TSNARE1: variants seen among roughly 807,000 people sequenced by gnomAD.
TSNARE1 encodes t-SNARE domain containing 1.
TSNARE1 carries 49 observed loss-of-function variants against 62.0 expected under a neutral mutation model. The ratio of observed to expected loss-of-function variants is 0.79; its 90% confidence interval spans 0.63 to 1.00. The LOEUF (loss-of-function observed/expected upper bound fraction) is 1.00. Ranked by LOEUF, TSNARE1 falls within the 50% of genes least tolerant of loss-of-function variation. The pLI is 0.00. For synonymous variants in TSNARE1, 328 were observed against 294.4 expected, an observed-to-expected ratio of 1.11 and a Z score of -1.17; for missense variants, 755 against 700.1, an observed-to-expected ratio of 1.08 and a Z score of -0.88.
At chr8:142,369,399 C>T (rs1195730070) in intron 1 of TSNARE1, among the ~76,000 whole-genome samples, 3 of 152,350 alleles carry the variant, frequency 2.0e-5, no homozygotes, top group African/African-American at 7.2e-5. Context: ...TTATTTATCT[C>T]AGTCTGCAGT....
rs531401582 is a variant in TSNARE1, at chr8:142,383,998, G to A, written c.-40+19106C>T. Reference sequence around the variant, plus strand: ...CAGGAGGGAGTGAAGCAGCACTGGCGGTAGAAGGGGTGCAGTGCAGCACCT... The same window carrying A: ...CAGGAGGGAGTGAAGCAGCACTGGCAGTAGAAGGGGTGCAGTGCAGCACCT... On this transcript the variant is annotated intron_variant, in intron 1 of 13. Coordinates refer to ENST00000524325, the MANE Select transcript of TSNARE1 (RefSeq NM_145003.5). 5.9e-5 allele frequency among the ~76,000 whole-genome samples: 9 copies of A among 152,268 alleles called. No homozygotes were observed. In the South Asian group the frequency reaches 6.2e-4, roughly 11 times the overall value.
In TSNARE1 at chr8:142,394,244, G is replaced by A. The variant is rs555967654; in HGVS notation, c.-40+8860C>T. ...TTTGGGGGCAGATACGCAGAAAGAC[G>A]GGAGGTGCTCTGCCCATCGGACCAC... is the stretch of plus-strand genomic sequence containing the variant. On this transcript the variant is annotated intron_variant, in intron 1 of 13. Transcript: ENST00000524325. 1.3e-3 allele frequency among the ~76,000 whole-genome samples: 198 copies of A among 152,332 alleles called. 1 individual carries two copies. Among genetic ancestry groups the A allele is most frequent in the Admixed American group, 4.1e-3 (62 of 15,302 alleles).
intron 9 of TSNARE1, among the ~76,000 whole-genome samples, chr8:142,308,514 G>A (rs544248176): frequency 1.1e-4 from 16 of 152,246 alleles, no homozygotes; most frequent in South Asian, 1.0e-3. Flanking sequence ...CAGCCGCCAC[G>A]TACGTGTGGT....
chr8:142,270,508 G>T (rs1042777082), intron 12 of TSNARE1: 1 of 908,472 alleles, frequency 1.1e-6, no homozygotes, highest in Non-Finnish European at 1.3e-6. Flanking sequence ...ATATATTTAT[G>T]TATTTATAAC....
At chr8:142,233,359 A>C (rs900797915) in intron 12 of TSNARE1, among the ~76,000 whole-genome samples, 2 of 152,026 alleles carry the variant, frequency 1.3e-5, no homozygotes, top group African/African-American at 4.8e-5. Context: ...CGAGAAGCCC[A>C]CCTAGAGCCC....
rs755565732 is a variant in TSNARE1 at position 142,274,842 on chromosome 8, T to C, written c.1385A>G (p.Glu462Gly). 18 of 1,577,094 alleles carry C rather than the reference T, an allele frequency of 1.1e-5. No homozygotes were observed. In the African/African-American group the frequency reaches 2.2e-4, roughly 19 times the overall value. The change falls in exon 12 of 14, where the codon GAG (glutamate) becomes GGG (glycine). Residue 462 changes from glutamate (E) to glycine (G), a missense_variant. Coordinates refer to ENST00000524325, the MANE Select transcript of TSNARE1 (RefSeq NM_145003.5). ...EAVDSIEASL[E>G]AASSHAEAAR... ...TGCCTCCGCATGCGAGGACGCAGCC[T>C]CAAGGCTGGCTTCAATACTATCTGC...
chr8:142,371,865 G>A (rs1462186362), intron 1 of TSNARE1, among the ~76,000 whole-genome samples: 6 of 152,196 alleles, frequency 3.9e-5, no homozygotes, highest in Non-Finnish European at 8.8e-5. Flanking sequence ...AGCTTTGCTG[G>A]CACACAGCCA....
intron 12 of TSNARE1, among the ~76,000 whole-genome samples, chr8:142,263,258 T>C (rs1818978482): frequency 6.6e-6 from 1 of 152,264 alleles, no homozygotes; most frequent in Non-Finnish European, 1.5e-5. Flanking sequence ...TCTCAGGACG[T>C]CTGGAAATGG....
chr8:142,362,599 G>T (rs1835248636), intron 1 of TSNARE1, among the ~76,000 whole-genome samples: 1 of 152,108 alleles, frequency 6.6e-6, no homozygotes, highest in South Asian at 2.1e-4. Context: ...AGATCAAGTG[G>T]GGGCCAGCGC....
chr8:142,307,418 G>A (rs2131459342), intron 9 of TSNARE1, among the ~76,000 whole-genome samples: 1 of 152,316 alleles, frequency 6.6e-6, no homozygotes, highest in Non-Finnish European at 1.5e-5. Flanking sequence ...ACGGGGGAGT[G>A]GCCGAGGACT....
chr8:142,355,879 A>G (rs1834690314), intron 1 of TSNARE1, among the ~76,000 whole-genome samples: 1 of 152,252 alleles, frequency 6.6e-6, no homozygotes, highest in South Asian at 2.1e-4. Context: ...TGTGCCATCC[A>G]GCCCTGCCCA....
chr8:142,269,474 G>A (rs915347076), intron 12 of TSNARE1: 24 of 985,318 alleles, frequency 2.4e-5, no homozygotes, highest in African/African-American at 1.4e-4. Flanking sequence ...ACTGTCAGCC[G>A]TGCTGGGTAT....
chr8:142,295,623 G>C (rs896669548), intron 10 of TSNARE1, among the ~76,000 whole-genome samples: 1 of 152,236 alleles, frequency 6.6e-6, no homozygotes, highest in Non-Finnish European at 1.5e-5. Context: ...ACTGGCCGCT[G>C]GGTGGCTCCA....
intron 9 of TSNARE1, among the ~76,000 whole-genome samples, chr8:142,311,433 A>G (rs1827610106): frequency 6.7e-6 from 1 of 150,200 alleles, no homozygotes; most frequent in Admixed American, 6.7e-5. Context: ...GAGTAGGTGG[A>G]ATTACAGGCA....
intron 1 of TSNARE1, among the ~76,000 whole-genome samples, chr8:142,373,381 G>A (rs565700760): frequency 2.6e-5 from 4 of 152,272 alleles, no homozygotes; most frequent in Admixed American, 2.0e-4. Flanking sequence ...TGGGAGAGAG[G>A]AGGCTGGGAA....
upstream of TSNARE1, chr8:142,406,013 A>T (rs1838578859): frequency 6.6e-6 from 1 of 152,250 alleles, no homozygotes; most frequent in South Asian, 2.1e-4. Context: ...TGCCCAGGGG[A>T]TGACTGCAGG....
chr8:142,226,064 C>T (rs1481937218), intron 13 of TSNARE1, among the ~76,000 whole-genome samples: 1 of 152,168 alleles, frequency 6.6e-6, no homozygotes, highest in African/African-American at 2.4e-5. Context: ...TAGGGCCCAC[C>T]ATAACCCGTT....
At chr8:142,242,465 G>A (rs1817709798) in intron 12 of TSNARE1, among the ~76,000 whole-genome samples, 1 of 152,260 alleles carries the variant, frequency 6.6e-6, no homozygotes, top group Non-Finnish European at 1.5e-5. Context: ...GCAGTCAGCA[G>A]AGTGAAGAGA....
chr8:142,298,327 G>A (rs892130893), intron 10 of TSNARE1, among the ~76,000 whole-genome samples: 13 of 152,242 alleles, frequency 8.5e-5, no homozygotes, highest in Non-Finnish European at 1.0e-4. Context: ...CAGGACTGCC[G>A]GTTGGAGAGG....
Sources: gnomAD v4.1 joint callset for allele counts (sites outside exome capture counted in the v4.1 genomes callset) on GRCh38, gnomAD v4.1.1 for gene constraint, MANE v1.5 for transcripts, NCBI Gene and HGNC (gene_info 2026-07-23, HGNC 2026-07-21) for gene names.